The following TMEM131L variants were observed in gnomAD, a reference collection of about 807,000 sequenced individuals.
The protein encoded by TMEM131L is transmembrane 131 like.
A neutral mutation model predicts 192.2 loss-of-function variants in TMEM131L; 54 were observed. The ratio of observed to expected loss-of-function variants is 0.28; its 90% CI spans 0.23 to 0.35. The LOEUF (loss-of-function observed/expected upper bound fraction) is 0.35. Among genes scored for constraint, TMEM131L ranks in the 10% least tolerant of loss-of-function variants. The pLI is 1.00. For missense variants in TMEM131L, 1,888 were observed against 1,972.9 expected (o/e 0.96, Z 0.82); for synonymous variants, 701 against 704.9 (o/e 0.99, Z 0.09).
At chr4:153,551,682 T>C (rs1175111195) in intron 4 of TMEM131L, among the ~76,000 whole-genome samples, 1 of 152,066 alleles carries the variant, frequency 6.6e-6, no homozygotes, top group Non-Finnish European at 1.5e-5. Context: ...AAGGACCATG[T>C]TGAGCTTTTT....
At chr4:153,570,409 G>A (rs1350239371) in intron 7 of TMEM131L, among the ~76,000 whole-genome samples, 1 of 152,124 alleles carries the variant, frequency 6.6e-6, no homozygotes, top group Non-Finnish European at 1.5e-5. Context: ...CTTAACGCTT[G>A]GCAGGGAGAG....
At chr4:153,547,343 CATTT>C (rs1415769692) in intron 3 of TMEM131L, among the ~76,000 whole-genome samples, 11 of 152,186 alleles carry the variant, frequency 7.2e-5, no homozygotes, top group African/African-American at 2.2e-4. Flanking sequence ...GTTTATATTT[CATTT>C]ATTCTATAAT....
At chr4:153,581,867 T>C (rs1006266850) in intron 9 of TMEM131L, among the ~76,000 whole-genome samples, 1 of 152,238 alleles carries the variant, frequency 6.6e-6, no homozygotes, top group Admixed American at 6.5e-5. Flanking sequence ...GTATTTGAAG[T>C]CTTGGGTTTC....
In TMEM131L at chr4:153,548,963, T is replaced by C. The variant is rs114842606; in HGVS notation, c.240-1110T>C. Among the ~76,000 whole-genome samples, 965 of 152,266 alleles carry C rather than the reference T, an allele frequency of 6.3e-3. 7 individuals are homozygous for C. The highest frequency in any genetic ancestry group is 0.022 in the African/African-American group (913 of 41,542). ...AAAATGGAAAGATTCTATTTACTTA[T>C]TTATTTTTGAGTCAGGTCTCAAAAA... is the stretch of plus-strand genomic sequence containing the variant. On this transcript the variant is annotated intron_variant, in intron 3 of 34. Transcript: ENST00000409959.
At chr4:153,567,698 C>G (rs1208254264) in intron 7 of TMEM131L, among the ~76,000 whole-genome samples, 1 of 152,150 alleles carries the variant, frequency 6.6e-6, no homozygotes, top group Non-Finnish European at 1.5e-5. Context: ...GCACGCACCA[C>G]CACACCCAGC....
At chr4:153,582,433 G>GGTT (rs1730418096) in intron 9 of TMEM131L, among the ~76,000 whole-genome samples, 2 of 40,332 alleles carry the variant, frequency 5.0e-5, no homozygotes, top group African/African-American at 1.4e-4. Flanking sequence ...TTTTTTTGTT[G>GGTT]TTTTTTTTTT....
intron 16 of TMEM131L, among the ~76,000 whole-genome samples, chr4:153,590,369 A>C (rs1480945625): frequency 1.3e-5 from 2 of 152,170 alleles, no homozygotes; most frequent in Admixed American, 6.5e-5. Flanking sequence ...GTATTATTTC[A>C]TCTCATCAGG....
chr4:153,566,295 C>G (rs1729189583), intron 7 of TMEM131L, among the ~76,000 whole-genome samples: 1 of 151,950 alleles, frequency 6.6e-6, no homozygotes. Context: ...GCAAGCACGC[C>G]CAGATAATTT....
rs571832729 is a variant in TMEM131L, at chr4:153,508,182, G to C, written c.239+34294G>C. On this transcript the variant is annotated intron_variant, in intron 3 of 34. Transcript: ENST00000409959. ...GGGGAATGGATTTGGGTGTAACATA[G>C]GAATGGGTATTGGATATTTGGGTGT... Among the ~76,000 whole-genome samples the C allele has an allele frequency of 9.2e-5, 14 of 152,336 alleles. No homozygotes were observed. The South Asian group carries it at 2.5e-3, about 27-fold the overall frequency.
At chr4:153,625,261 A>G (rs1578894883) in intron 29 of TMEM131L, among the ~76,000 whole-genome samples, 1 of 151,832 alleles carries the variant, frequency 6.6e-6, no homozygotes, top group African/African-American at 2.4e-5. Context: ...AAATTCAAAA[A>G]CCAGCTGGGC....
At chr4:153,523,221 C>T (rs1490289746) in intron 3 of TMEM131L, among the ~76,000 whole-genome samples, 1 of 152,170 alleles carries the variant, frequency 6.6e-6, no homozygotes, top group East Asian at 1.9e-4. Flanking sequence ...TTATGTCAGG[C>T]ATTGGCAAGC....
chr4:153,600,078 C>T (rs900746286), intron 21 of TMEM131L, among the ~76,000 whole-genome samples: 1 of 151,980 alleles, frequency 6.6e-6, no homozygotes, highest in Non-Finnish European at 1.5e-5. Context: ...TTAAAAATAA[C>T]TAGTTGCTGG....
chr4:153,490,907 T>G (rs565218386), intron 3 of TMEM131L, among the ~76,000 whole-genome samples: 33 of 132,190 alleles, frequency 2.5e-4, no homozygotes, highest in Admixed American at 8.1e-4. Flanking sequence ...TGAGCCGAGA[T>G]CACGCCACTG....
At position 153,621,751 on chromosome 4, in the gene TMEM131L, T is replaced by C; in HGVS notation, c.3761T>C (p.Ile1254Thr). The C allele has an allele frequency of 6.2e-7, 1 of 1,614,118 alleles. No individual in the cohort carries two copies. The highest frequency in any genetic ancestry group is 8.5e-7 in the Non-Finnish European group (1 of 1,180,012). ...GAGAGGTCTGAGCTGAGCAGTGACA[T>C]CAATGTAAGAAGCTGGTGTATACAG... is the stretch of plus-strand genomic sequence containing the variant. The part of the protein sequence containing the change: ...DFERSELSSD[I>T]NVRSWCIQES... Residue 1254 changes from isoleucine (I) to threonine (T), a missense_variant, in exon 28 of 35, where the codon ATC (isoleucine) becomes ACC (threonine). Transcript: ENST00000409959.
rs1361593679 is a variant in TMEM131L, at chr4:153,557,215, A to T, written c.549+133A>T. 3 of 625,664 alleles carry T rather than the reference A, an allele frequency of 4.8e-6. No homozygotes were observed. In the African/African-American group the frequency reaches 5.7e-5, roughly 12 times the overall value. The allele number at this position is 625,664 out of a possible 1,614,324, so 38.8% of individuals were successfully genotyped here. A position where few individuals can be genotyped will look rare whatever the true frequency, so the allele number is the denominator to read the frequency against. On this transcript the variant is annotated intron_variant, in intron 6 of 34. Coordinates refer to ENST00000409959, the MANE Select transcript of TMEM131L (RefSeq NM_001131007.2). ...TCGTTAAAATACAAGACTGTTAGTG[A>T]TGTTAAAATCATCAGCATTCACCCT...
chr4:153,581,366 T>C, intron 8 of TMEM131L, 41 bp from the exon 9 acceptor site: 1 of 1,460,718 alleles, frequency 6.8e-7, no homozygotes, highest in Non-Finnish European at 9.1e-7. Flanking sequence ...AAAGTTGAGA[T>C]GATTTTTTTT....
intron 3 of TMEM131L, among the ~76,000 whole-genome samples, chr4:153,538,334 TAGTTACGA>T (rs1282569586): frequency 6.6e-6 from 1 of 152,184 alleles, no homozygotes; most frequent in East Asian, 1.9e-4. Flanking sequence ...CCTGCAGGTC[TAGTTACGA>T]AGCAGAAGGA....
chr4:153,607,152 T>C (rs537222561), intron 25 of TMEM131L, among the ~76,000 whole-genome samples: 1 of 152,260 alleles, frequency 6.6e-6, no homozygotes, highest in South Asian at 2.1e-4. Context: ...TTTAGTAATA[T>C]TAAGGGTTTG....
chr4:153,472,542 A>C (rs1347609686), intron 2 of TMEM131L, among the ~76,000 whole-genome samples: 1 of 152,210 alleles, frequency 6.6e-6, no homozygotes, highest in South Asian at 2.1e-4. Flanking sequence ...GTAGACAAAA[A>C]AAAACAAAAA....
Sources: gnomAD v4.1 joint callset for allele counts (sites outside exome capture counted in the v4.1 genomes callset) on GRCh38, gnomAD v4.1.1 for gene constraint, MANE v1.5 for transcripts, NCBI Gene and HGNC (gene_info 2026-07-23, HGNC 2026-07-21) for gene names.